Variants in LRP1 observed in about 807,000 individuals in gnomAD.
LRP1 encodes the protein LDL receptor related protein 1.
LRP1 carries 51 observed loss-of-function variants against 541.5 expected under a neutral mutation model. That is an observed-to-expected ratio of 0.09 (90% CI 0.08 to 0.12). The LOEUF (loss-of-function observed/expected upper bound fraction) is 0.12, where lower values mean the gene tolerates loss of function less well. Among genes scored for constraint, LRP1 ranks in the 10% least tolerant of loss-of-function variants. The pLI is 1.00. For synonymous variants in LRP1, 2,219 were observed against 2,470.8 expected (o/e 0.90, Z 3.02); for missense variants, 3,878 against 6,376.2 (o/e 0.61, Z 13.34).
rs1413971571 is a variant in LRP1 at position 57,141,515 on chromosome 12, A to G, written c.328+4A>G. The G allele has an allele frequency of 1.9e-6, 3 of 1,614,052 alleles. No homozygotes were observed. The African/African-American group carries it at 4.0e-5, about 22-fold the overall frequency. ...GATGAGGGGCCCCACTGCCGAGGTAAGGACTTTTCCACTCTCTACTCTCCC... is the reference window on the plus strand; with the variant it reads ...GATGAGGGGCCCCACTGCCGAGGTAGGGACTTTTCCACTCTCTACTCTCCC... On this transcript the variant is annotated splice_donor_region_variant and intron_variant, in intron 3 of 88. Transcript: ENST00000243077.
Position 57,209,207 on chromosome 12 carries a change from C to T in LRP1, c.12262+8C>T. ...CTGCTGACAGCAAACGAGGTCAGAG[C>T]CCGGCATAAGTCGCAGTCCCCAGCC... On this transcript the variant is annotated splice_region_variant and intron_variant, in intron 79 of 88. Transcript: ENST00000243077. 6.2e-7 allele frequency: 1 copy of T among 1,609,764 alleles called. No individual in the cohort carries two copies. The highest frequency in any genetic ancestry group is 8.5e-7 in the Non-Finnish European group (1 of 1,176,416).
chr12:57,141,835 T>C (rs1195314288), intron 3 of LRP1, among the ~76,000 whole-genome samples: 1 of 152,236 alleles, frequency 6.6e-6, no homozygotes, highest in Non-Finnish European at 1.5e-5. Flanking sequence ...TTAAAAATAG[T>C]ATGATCCTTT....
At chr12:57,129,277 G>A (rs1465776486) in intron 1 of LRP1, among the ~76,000 whole-genome samples, 1 of 152,104 alleles carries the variant, frequency 6.6e-6, no homozygotes, top group Non-Finnish European at 1.5e-5. Flanking sequence ...GTAGAGAGAA[G>A]AGGGCTCCCC....
chr12:57,211,502 G>A lies in LRP1; in HGVS notation c.13107G>A (p.Arg4369=). 1.9e-6 allele frequency: 3 copies of A among 1,613,900 alleles called. No individual in the cohort carries two copies. Among genetic ancestry groups the A allele is most frequent in the Non-Finnish European group, 2.5e-6 (3 of 1,180,022 alleles). The change falls in exon 85 of 89, where the codon CGG becomes CGA. Residue 4369 remains arginine (R), a synonymous_variant. Transcript: ENST00000243077. This position sits in a 1 kb window ranked among gnomAD's most constrained non-coding sequence, Gnocchi z 4.3. ...GDVTCNCTDG[R]VAPSCLTCVG... ...CTTCCTGCAGCTGCACGGATGGCCG[G>A]GTGGCCCCCAGCTGTCTGACCTGCG... is the stretch of plus-strand genomic sequence containing the variant.
intron 6 of LRP1, 23 bp downstream of exon 6, chr12:57,145,513 G>T (rs1366008312): frequency 6.2e-7 from 1 of 1,607,436 alleles, no homozygotes; most frequent in East Asian, 2.2e-5. Context: ...CTCTCAGCTT[G>T]GAGGGCTGGG....
chr12:57,203,562 T>C lies in LRP1; in HGVS notation c.10951+41T>C, dbSNP rs773041788. The C allele has an allele frequency of 9.5e-6, 14 of 1,466,194 alleles. No homozygotes were observed. In the East Asian group the frequency reaches 3.5e-4, roughly 37 times the overall value. 90.8% of individuals were successfully genotyped at this position (1,466,194 alleles called of 1,614,324 possible). On this transcript the variant is annotated intron_variant, in intron 70 of 88. Coordinates refer to ENST00000243077, the MANE Select transcript of LRP1 (RefSeq NM_002332.3). Reference sequence around the variant, plus strand: ...TGGTCTCCCTGGGTCCTCCCTCTGCTGCCCACCCCGCCACATGGCCCAGTC... The same window carrying C: ...TGGTCTCCCTGGGTCCTCCCTCTGCCGCCCACCCCGCCACATGGCCCAGTC...
intron 58 of LRP1, 145 bp from the exon 59 acceptor site, chr12:57,198,011 G>C: frequency 1.4e-6 from 1 of 696,798 alleles, no homozygotes; most frequent in East Asian, 2.7e-5. Flanking sequence ...CCCAGGACTG[G>C]GCATTTTACT....
rs749733406 is a variant in LRP1, at chr12:57,193,697, G to T, written c.7804+12G>T. The T allele has an allele frequency of 5.6e-6, 9 of 1,614,088 alleles. No individual in the cohort carries two copies. The highest frequency in any genetic ancestry group is 6.8e-6 in the Non-Finnish European group (8 of 1,180,004). On this transcript the variant is annotated intron_variant, in intron 47 of 88. Coordinates refer to ENST00000243077, the MANE Select transcript of LRP1 (RefSeq NM_002332.3). ...GATCCCTTGCAACAGTGAGTGAGGC[G>T]CACTGGCATAACCCATCTGTACCTC...
At position 57,205,273 on chromosome 12, in the gene LRP1, C is replaced by T. The variant is rs769018787; in HGVS notation, c.11335+24C>T. 4.5e-5 allele frequency: 72 copies of T among 1,602,916 alleles called. No homozygotes were observed. Among genetic ancestry groups the T allele is most frequent in the Middle Eastern group, 1.7e-4 (1 of 6,050 alleles). Reference sequence around the variant, plus strand: ...CGGTGAGGCCCGGCAGCGGACCGGACGCTGGTGGGGAGTGGGGAGAGCCAA... The same window carrying T: ...CGGTGAGGCCCGGCAGCGGACCGGATGCTGGTGGGGAGTGGGGAGAGCCAA... On this transcript the variant is annotated intron_variant, in intron 73 of 88. Transcript: ENST00000243077. This position sits in a 1 kb window ranked among gnomAD's most constrained non-coding sequence, Gnocchi z 4.6.
At position 57,175,624 on chromosome 12, in the gene LRP1, G is replaced by T; in HGVS notation, c.3712G>T (p.Asp1238Tyr). 6.2e-7 allele frequency: 1 copy of T among 1,612,560 alleles called. No homozygotes were observed. The highest frequency in any genetic ancestry group is 1.7e-4 in the Middle Eastern group (1 of 6,054). The change falls in exon 23 of 89, where the codon GAC becomes TAC. Residue 1238 changes from aspartate (D) to tyrosine (Y), a missense_variant. Coordinates refer to ENST00000243077, the MANE Select transcript of LRP1 (RefSeq NM_002332.3). ...AKHLKCSQKCDQNKFSVKCSC... is the reference protein window; with the variant it reads ...AKHLKCSQKCYQNKFSVKCSC... ...GCATCTCAAATGCAGCCAAAAGTGCGACCAGAACAAGTTCAGCGTGAAGTG... is the reference window on the plus strand; with the variant it reads ...GCATCTCAAATGCAGCCAAAAGTGCTACCAGAACAAGTTCAGCGTGAAGTG...
At chr12:57,146,568 G>A (rs1485090780) in intron 6 of LRP1, 1 of 152,194 alleles carries the variant, frequency 6.6e-6, no homozygotes, top group Non-Finnish European at 1.5e-5. Flanking sequence ...ATTCATTCTG[G>A]GAGAGAGAAA....
rs1565750041 is a variant in LRP1, at chr12:57,199,300, C to G, written c.9765C>G (p.Asn3255Lys). The change falls in exon 61 of 89, where the codon AAC (asparagine) becomes AAG (lysine). Residue 3255 changes from asparagine (N) to lysine (K), a missense_variant. Asn to Lys is a moderately conservative substitution (Grantham distance 94). Around this residue, in one of 13 missense-constraint regions of LRP1, gnomAD observed 1,100 missense variants for 1,827.4 expected, o/e 0.60. Coordinates refer to ENST00000243077, the MANE Select transcript of LRP1 (RefSeq NM_002332.3). ...YWTDWETKSI[N>K]RAHKTTGTNK... ...CCGACTGGGAAACAAAGTCCATTAA[C>G]CGAGCCCACAAGACCACGGGCACCA... 3 of 1,613,914 alleles carry G rather than the reference C, an allele frequency of 1.9e-6. No homozygotes were observed. The highest frequency in any genetic ancestry group is 2.5e-6 in the Non-Finnish European group (3 of 1,180,004).
rs555550338 is a variant in LRP1 at position 57,176,119 on chromosome 12, T to G, written c.3991+13T>G. 1 of 1,613,468 alleles carries G rather than the reference T, an allele frequency of 6.2e-7. No individual in the cohort carries two copies. The highest frequency in any genetic ancestry group is 1.7e-5 in the Admixed American group (1 of 60,024). ...CTGGACAACGGAGGTGACCACCGAT[T>G]GCTGCCAGGCAGGATGCACACAGGC... is the stretch of plus-strand genomic sequence containing the variant. On this transcript the variant is annotated intron_variant, in intron 24 of 88. Coordinates refer to ENST00000243077, the MANE Select transcript of LRP1 (RefSeq NM_002332.3).
intron 68 of LRP1, 34 bp from the exon 69 acceptor site, chr12:57,203,147 C>A (rs757642495): frequency 6.8e-7 from 1 of 1,462,594 alleles, no homozygotes; most frequent in Non-Finnish European, 9.3e-7. Flanking sequence ...CTTGTGCCCA[C>A]CCTCCTGGGC....
chr12:57,210,955 C>T (rs1296936329), intron 83 of LRP1, 76 bp downstream of exon 83: 2 of 1,538,148 alleles, frequency 1.3e-6, no homozygotes, highest in Admixed American at 1.8e-5. Context: ...TGATGTTCAA[C>T]CTGTGCCTGG....
In LRP1 at chr12:57,197,481, C is replaced by A. The variant is rs1029301848; in HGVS notation, c.9163-64C>A. ...CGCTTAGGTCCAACCATCCCTCCCC[C>A]AGATGCAAATGTGGCCCCTGTTGCC... On this transcript the variant is annotated intron_variant, in intron 57 of 88. Coordinates refer to ENST00000243077, the MANE Select transcript of LRP1 (RefSeq NM_002332.3). The surrounding 1 kb of genome is among the most constrained non-coding windows in gnomAD (Gnocchi z 4.5). 1.2e-6 allele frequency: 2 copies of A among 1,613,328 alleles called. No individual in the cohort carries two copies. Among genetic ancestry groups the A allele is most frequent in the South Asian group, 2.2e-5 (2 of 91,024 alleles).
intron 6 of LRP1, chr12:57,148,877 C>T (rs1398984098): frequency 7.9e-6 from 4 of 509,380 alleles, no homozygotes; most frequent in African/African-American, 2.0e-5. Flanking sequence ...CAGCAAAGGG[C>T]CCCTAGGCTG....
intron 67 of LRP1, among the ~76,000 whole-genome samples, 196 bp from the exon 68 acceptor site, chr12:57,202,225 A>C (rs2036671617): frequency 6.7e-6 from 1 of 150,046 alleles, no homozygotes. Context: ...CCACACACAC[A>C]CCCCCAACCA....
chr12:57,200,781 T>C lies in LRP1; in HGVS notation c.10191T>C (p.Asn3397=). The C allele has an allele frequency of 6.2e-7, 1 of 1,613,886 alleles. No individual in the cohort carries two copies. The highest frequency in any genetic ancestry group is 8.5e-7 in the Non-Finnish European group (1 of 1,180,034). Residue 3397 remains asparagine, a synonymous_variant, in exon 64 of 89, where the codon AAT becomes AAC. Coordinates refer to ENST00000243077, the MANE Select transcript of LRP1 (RefSeq NM_002332.3). ...CTGCCTTCATCTGCGATGGCGACAA[T>C]GACTGCCAGGACAACAGTGACGAGG... ...TNPAFICDGD[N]DCQDNSDEAN... is the part of the protein sequence containing the mutation.
Sources: gnomAD v4.1 joint callset for allele counts (sites outside exome capture counted in the v4.1 genomes callset) on GRCh38, gnomAD v4.1.1 for gene constraint, gnomAD v4.1.1 regional missense constraint, Gnocchi (gnomAD v3.1) non-coding constraint, MANE v1.5 for transcripts, NCBI Gene and HGNC (gene_info 2026-07-23, HGNC 2026-07-21) for gene names.